ITGAD: variants seen among roughly 807,000 people sequenced by gnomAD.
ITGAD encodes integrin alpha-D.
In ITGAD, 105 loss-of-function variants were observed where a neutral mutation model predicts 139.0. That is an observed-to-expected ratio of 0.76 (90% CI 0.65 to 0.89). The LOEUF is 0.89. Ranked by LOEUF, ITGAD falls within the 40% of genes least tolerant of loss-of-function variation. The pLI is 0.00. For missense variants in ITGAD, 1,384 were observed against 1,487.3 expected (o/e 0.93, Z 1.14); for synonymous variants, 569 against 598.3 (o/e 0.95, Z 0.71).
At chr16:31,412,499 T>C (rs4889544) in intron 14 of ITGAD, among the ~76,000 whole-genome samples, 94,467 of 152,022 alleles carry the variant, frequency 0.62, 29,468 homozygotes, top group Middle Eastern at 0.71. Context: ...GCCAGCGGGT[T>C]GCTGGAAAGA....
intron 10 of ITGAD, 36 bp from the exon 11 acceptor site, chr16:31,410,359 T>C: frequency 6.2e-7 from 1 of 1,613,510 alleles, no homozygotes; most frequent in Non-Finnish European, 8.5e-7. Context: ...CTTCCCGCTC[T>C]AGTCTCTGCC....
chr16:31,417,935 G>A, intron 20 of ITGAD, 140 bp from the exon 21 acceptor site: 3 of 655,994 alleles, frequency 4.6e-6, no homozygotes, highest in Non-Finnish European at 5.1e-6. Flanking sequence ...TGACAAGAGT[G>A]AAATCCGTCT....
In ITGAD at chr16:31,403,733, G is replaced by A; in HGVS notation, c.704+88G>A. The A allele has an allele frequency of 1.3e-6, 2 of 1,520,140 alleles. No homozygotes were observed. The highest frequency in any genetic ancestry group is 2.4e-5 in the South Asian group (2 of 84,490). 94.2% of individuals were successfully genotyped at this position (1,520,140 alleles called of 1,614,324 possible). On this transcript the variant is annotated intron_variant, in intron 7 of 29. Transcript: ENST00000389202. The surrounding 1 kb of genome is among the most constrained non-coding windows in gnomAD (Gnocchi z 4.4). ...AGCACAGCTCTTCTCAGAGGCTGAG[G>A]GAGGCTCCAGGGAAAGGGGCTACCA...
Position 31,397,645 on chromosome 16 carries a change from C to T in ITGAD, c.291C>T (p.Ser97=), listed in dbSNP as rs760079439. The T allele has an allele frequency of 1.9e-6, 3 of 1,605,006 alleles. No homozygotes were observed. The highest frequency in any genetic ancestry group is 2.2e-5 in the South Asian group (2 of 90,758). Residue 97 remains serine, a synonymous_variant, in exon 4 of 30, where the codon TCC becomes TCT. Coordinates refer to ENST00000389202, the MANE Select transcript of ITGAD (RefSeq NM_005353.3). ...CCTTGGGCCTGACCCTGGCAGCCTC[C>T]ACCAACGGCTCCCGGCTCCTGGTGA... ...NMSLGLTLAA[S]TNGSRLLACG... is the part of the protein sequence containing the mutation.
rs538325253 is a variant in ITGAD, at chr16:31,412,688, C to T, written c.1708-150C>T. 2.2e-5 allele frequency: 21 copies of T among 945,822 alleles called. No homozygotes were observed. The Admixed American group carries it at 3.2e-4, about 15-fold the overall frequency. The allele number at this position is 945,822 out of a possible 1,614,324, so 58.6% of individuals were successfully genotyped here. The stretch of plus-strand genomic sequence containing the variant: ...AGCAATCATCTCCCGACTCCTACCT[C>T]CTCTTTTCAGGCTCTTGTTGGTGAC... On this transcript the variant is annotated intron_variant, in intron 14 of 29. Coordinates refer to ENST00000389202, the MANE Select transcript of ITGAD (RefSeq NM_005353.3).
At chr16:31,399,485 C>G (rs2081352216) in intron 5 of ITGAD, among the ~76,000 whole-genome samples, 1 of 152,044 alleles carries the variant, frequency 6.6e-6, no homozygotes, top group Non-Finnish European at 1.5e-5. Flanking sequence ...CATGCTGGGC[C>G]TTTAGACAAA....
Position 31,426,004 on chromosome 16 carries a change from TC to T in ITGAD, c.3373-7del. The stretch of plus-strand genomic sequence containing the variant: ...ACTTACCCAGCTTTTCTAATTTATT[TC>T]CCCTGATAGCTTGGCTTCTTCAAAC... On this transcript the variant is annotated splice_polypyrimidine_tract_variant and intron_variant, in intron 29 of 29. Transcript: ENST00000389202. 1 of 1,596,058 alleles carries T rather than the reference TC, an allele frequency of 6.3e-7. No individual in the cohort carries two copies. Among genetic ancestry groups the T allele is most frequent in the South Asian group, 1.1e-5 (1 of 90,672 alleles).
chr16:31,418,849 C>A (rs902968751), intron 23 of ITGAD, among the ~76,000 whole-genome samples: 1 of 152,024 alleles, frequency 6.6e-6, no homozygotes, highest in Non-Finnish European at 1.5e-5. Flanking sequence ...GGTGAAACCC[C>A]ATCTCTACTA....
rs139262186 is a variant in ITGAD, at chr16:31,418,321, C to T, written c.2637C>T (p.Phe879=). ...CTCAGGGCACCTTCATAGTCACATT[C>T]GATGTCTCCTACAAGGCCACCCTGG... ...EGSNGTFIVT[F]DVSYKATLGD... is the part of the protein sequence containing the mutation. Residue 879 remains phenylalanine, a synonymous_variant, in exon 22 of 30, where the codon TTC becomes TTT. Coordinates refer to ENST00000389202, the MANE Select transcript of ITGAD (RefSeq NM_005353.3). 216 of 1,614,008 alleles carry T rather than the reference C, an allele frequency of 1.3e-4. No homozygotes were observed. In the African/African-American group the frequency reaches 1.5e-3, roughly 11 times the overall value.
chr16:31,411,558 C>T (rs754176957), intron 14 of ITGAD, 41 bp downstream of exon 14: 2 of 1,598,102 alleles, frequency 1.3e-6, no homozygotes, highest in South Asian at 2.2e-5. Context: ...CAGCTCCTTC[C>T]CATGTCCTGA....
Position 31,408,477 on chromosome 16 carries a change from C to CTTCA in ITGAD, c.1063_1066dup (p.Ser356IlefsTer19). On this transcript the variant is annotated frameshift_variant, in exon 10 of 30. Coordinates refer to ENST00000389202, the MANE Select transcript of ITGAD (RefSeq NM_005353.3). LOFTEE classifies it high-confidence loss of function. Reference sequence around the variant, plus strand: ...TCCAGCACGAGATGTCCCAAGAAGGCTTCAGCACAGCCCTCACAATGGTGG... The same window carrying CTTCA: ...TCCAGCACGAGATGTCCCAAGAAGGCTTCATTCAGCACAGCCCTCACAATGGTGG... 1 of 1,614,064 alleles carries CTTCA rather than the reference C, an allele frequency of 6.2e-7. No homozygotes were observed. The highest frequency in any genetic ancestry group is 8.5e-7 in the Non-Finnish European group (1 of 1,179,966).
chr16:31,410,097 G>A (rs2081645403), intron 10 of ITGAD, among the ~76,000 whole-genome samples: 1 of 151,984 alleles, frequency 6.6e-6, no homozygotes, highest in Non-Finnish European at 1.5e-5. Context: ...GGGCCTTGGT[G>A]ATGGTTTTCC....
chr16:31,403,412 T>G lies in ITGAD; in HGVS notation c.559-88T>G, dbSNP rs1597118173. The stretch of plus-strand genomic sequence containing the variant: ...CAGGAGGATCACTTGAGGCCAGGAG[T>G]TTGAGAGACCCTGTCTCTACAAAAA... On this transcript the variant is annotated intron_variant, in intron 6 of 29. Coordinates refer to ENST00000389202, the MANE Select transcript of ITGAD (RefSeq NM_005353.3). This position sits in a 1 kb window ranked among gnomAD's most constrained non-coding sequence, Gnocchi z 4.4. 1 of 1,499,846 alleles carries G rather than the reference T, an allele frequency of 6.7e-7. No individual in the cohort carries two copies. The highest frequency in any genetic ancestry group is 1.4e-5 in the African/African-American group (1 of 71,484). 92.9% of individuals were successfully genotyped at this position (1,499,846 alleles called of 1,614,324 possible). A position where few individuals can be genotyped will look rare whatever the true frequency, so the allele number is the denominator to read the frequency against.
chr16:31,404,386 C>G (rs2081486538), intron 7 of ITGAD: 1 of 151,840 alleles, frequency 6.6e-6, no homozygotes, highest in South Asian at 2.1e-4. Flanking sequence ...TGCACACACC[C>G]CTGGGAGCAG....
intron 5 of ITGAD, among the ~76,000 whole-genome samples, chr16:31,400,507 A>G (rs904881158): frequency 2.0e-5 from 3 of 152,188 alleles, no homozygotes; most frequent in South Asian, 4.1e-4. Flanking sequence ...CACACCCCCC[A>G]TGAGCCTGGG....
In ITGAD at chr16:31,424,490, C is replaced by T. The variant is rs779933148; in HGVS notation, c.3285C>T (p.Asp1095=). The T allele has an allele frequency of 5.6e-6, 9 of 1,613,690 alleles. No homozygotes were observed. The highest frequency in any genetic ancestry group is 4.5e-5 in the East Asian group (2 of 44,876). ...AGATGGAGATGGTGCTAGAAGAAGA[C>T]GAGGTCTACAATGCCATTCCCATCA... ...RAQMEMVLEE[D]EVYNAIPIIM... Residue 1095 remains aspartate, a synonymous_variant, in exon 29 of 30, where the codon GAC becomes GAT. Coordinates refer to ENST00000389202, the MANE Select transcript of ITGAD (RefSeq NM_005353.3).
chr16:31,420,135 AC>A (rs772951890), intron 23 of ITGAD, among the ~76,000 whole-genome samples: 5 of 152,194 alleles, frequency 3.3e-5, no homozygotes, highest in Admixed American at 6.5e-5. Context: ...CTTGTGCCCA[AC>A]AGGATATGGT....
At chr16:31,425,076 C>CT (rs1426524672) in intron 29 of ITGAD, among the ~76,000 whole-genome samples, 14 of 151,802 alleles carry the variant, frequency 9.2e-5, no homozygotes, top group Admixed American at 2.6e-4. Context: ...TTCTCTCTTT[C>CT]TTTTTTTTCT....
rs1161672618 is a variant in ITGAD at position 31,408,468 on chromosome 16, C to T, written c.1053C>T (p.Ser351=). 6.2e-7 allele frequency: 1 copy of T among 1,614,058 alleles called. No individual in the cohort carries two copies. The highest frequency in any genetic ancestry group is 1.1e-5 in the South Asian group (1 of 91,080). ...RASSSFQHEM[S]QEGFSTALTM... ...GCAGCTCCTTCCAGCACGAGATGTC[C>T]CAAGAAGGCTTCAGCACAGCCCTCA... The change falls in exon 10 of 30, where the codon TCC becomes TCT. Residue 351 remains serine, a synonymous_variant. Coordinates refer to ENST00000389202, the MANE Select transcript of ITGAD (RefSeq NM_005353.3).
Sources: gnomAD v4.1 joint callset for allele counts (sites outside exome capture counted in the v4.1 genomes callset) on GRCh38, gnomAD v4.1.1 for gene constraint, Gnocchi (gnomAD v3.1) non-coding constraint, MANE v1.5 for transcripts, NCBI Gene and HGNC (gene_info 2026-07-23, HGNC 2026-07-21) for gene names.